The following GMDS variants were observed in gnomAD, a reference collection of about 807,000 sequenced individuals.
The protein encoded by GMDS is GDP-mannose 4,6-dehydratase.
Under a neutral mutation model 49.9 loss-of-function variants are expected in GMDS, and 20 were observed. The observed-to-expected ratio is 0.40, with a 90% confidence interval of 0.28 to 0.58. The LOEUF (loss-of-function observed/expected upper bound fraction) is 0.58, where lower values mean the gene tolerates loss of function less well. GMDS is among the 20% of genes least tolerant of loss of function. The pLI is 0.42. For synonymous variants in GMDS, 177 were observed against 178.6 expected (o/e 0.99, Z 0.07); for missense variants, 362 against 481.4 (o/e 0.75, Z 2.32).
At chr6:1,984,957 A>G (rs1266811014) in intron 4 of GMDS, among the ~76,000 whole-genome samples, 1 of 152,220 alleles carries the variant, frequency 6.6e-6, no homozygotes, top group Non-Finnish European at 1.5e-5. Flanking sequence ...AGTTCAAGGC[A>G]AAGGTGGGAT....
chr6:1,657,135 G>T (rs528242947), intron 9 of GMDS, among the ~76,000 whole-genome samples: 1 of 152,280 alleles, frequency 6.6e-6, no homozygotes, highest in African/African-American at 2.4e-5. Context: ...ATTCATGGAT[G>T]GCTGACCACG....
At chr6:1,789,092 T>C (rs1258280788) in intron 7 of GMDS, among the ~76,000 whole-genome samples, 2 of 152,186 alleles carry the variant, frequency 1.3e-5, no homozygotes, top group African/African-American at 4.8e-5. Context: ...ACAGTGTTAT[T>C]AGAAAGGATA....
chr6:2,083,228 G>A lies in GMDS; in HGVS notation c.345+32543C>T, dbSNP rs545479089. ...ACTTTAGCACGATGTCGAGCACTTA[G>A]TAAACGCTAGTATCTTCCTTAATCA... On this transcript the variant is annotated intron_variant, in intron 4 of 10. Coordinates refer to ENST00000380815, the MANE Select transcript of GMDS (RefSeq NM_001500.4). 7.2e-5 allele frequency among the ~76,000 whole-genome samples: 11 copies of A among 152,278 alleles called. No individual in the cohort carries two copies. In the South Asian group the frequency reaches 2.3e-3, roughly 32 times the overall value.
intron 4 of GMDS, among the ~76,000 whole-genome samples, chr6:2,094,348 C>T (rs1461227555): frequency 6.6e-6 from 1 of 152,224 alleles, no homozygotes; most frequent in Non-Finnish European, 1.5e-5. Flanking sequence ...CTAAAGTCCT[C>T]TACTAGGTCC....
chr6:1,657,637 C>A (rs999785860), intron 9 of GMDS, among the ~76,000 whole-genome samples: 9 of 152,034 alleles, frequency 5.9e-5, no homozygotes, highest in African/African-American at 2.2e-4. Flanking sequence ...GTTTGTGAGG[C>A]GAGACCAGAT....
chr6:2,067,838 G>A (rs1429141792), intron 4 of GMDS, among the ~76,000 whole-genome samples: 21 of 152,152 alleles, frequency 1.4e-4, no homozygotes, highest in South Asian at 2.1e-4. Flanking sequence ...CCAGAGGTAC[G>A]AGGAGGAACT....
At chr6:1,717,698 G>C (rs1271369628) in intron 9 of GMDS, 1 of 152,002 alleles carries the variant, frequency 6.6e-6, no homozygotes, top group Non-Finnish European at 1.5e-5. Context: ...GAGTTGAAGA[G>C]CCCAAAGCAT....
At chr6:1,659,591 G>C (rs1764000222) in intron 9 of GMDS, among the ~76,000 whole-genome samples, 1 of 152,156 alleles carries the variant, frequency 6.6e-6, no homozygotes, top group Non-Finnish European at 1.5e-5. Context: ...CTGGGTGATA[G>C]CACCCAGTGG....
At chr6:2,213,106 C>G (rs1156743587) in intron 1 of GMDS, among the ~76,000 whole-genome samples, 2 of 152,172 alleles carry the variant, frequency 1.3e-5, no homozygotes, top group Non-Finnish European at 2.9e-5. Context: ...CGTGGGCTCT[C>G]ACTGCTGATC....
chr6:2,245,306 C>T lies in GMDS; in HGVS notation c.102+15G>A. ...CAGGCTGCCTCGGCCGGCGCGCCCC[C>T]GCCCCCGCACTCACCTGGCCTGTGA... On this transcript the variant is annotated intron_variant, in intron 1 of 10. Coordinates refer to ENST00000380815, the MANE Select transcript of GMDS (RefSeq NM_001500.4). 2 of 1,513,564 alleles carry T rather than the reference C, an allele frequency of 1.3e-6. No homozygotes were observed. The highest frequency in any genetic ancestry group is 8.9e-7 in the Non-Finnish European group (1 of 1,125,032). The allele number at this position is 1,513,564 out of a possible 1,614,324, so 93.8% of individuals were successfully genotyped here.
chr6:1,890,169 G>A (rs1034436992), intron 7 of GMDS, among the ~76,000 whole-genome samples: 52 of 151,738 alleles, frequency 3.4e-4, no homozygotes, highest in African/African-American at 1.2e-3. Flanking sequence ...TTTACAAAGT[G>A]GCTAAGCTGT....
chr6:1,765,827 C>T (rs1329493727), intron 7 of GMDS, among the ~76,000 whole-genome samples: 1 of 152,150 alleles, frequency 6.6e-6, no homozygotes, highest in African/African-American at 2.4e-5. Context: ...CCCTTTAACT[C>T]CTTCGGCACA....
At chr6:1,757,458 C>A (rs548900468) in intron 7 of GMDS, among the ~76,000 whole-genome samples, 1 of 152,178 alleles carries the variant, frequency 6.6e-6, no homozygotes, top group African/African-American at 2.4e-5. Flanking sequence ...TCTGGGCATG[C>A]AGGAGGAAGT....
intron 1 of GMDS, among the ~76,000 whole-genome samples, chr6:2,223,131 A>C (rs546910079): frequency 2.2e-3 from 316 of 146,130 alleles, no homozygotes; most frequent in African/African-American, 6.1e-3. Flanking sequence ...ATCAATCAAT[A>C]GCGCGCTCTC....
chr6:2,138,783 T>C (rs2127525804), intron 1 of GMDS, among the ~76,000 whole-genome samples: 1 of 152,356 alleles, frequency 6.6e-6, no homozygotes, highest in East Asian at 1.9e-4. Context: ...CATTGACCTT[T>C]GAGAAAAAAC....
At position 2,094,577 on chromosome 6, in the gene GMDS, C is replaced by T. The variant is rs539438042; in HGVS notation, c.345+21194G>A. ...TCATGACCTAAGTACTTGGAAAAAA[C>T]GGAGCAGATTTAAGAATAACATTCA... On this transcript the variant is annotated intron_variant, in intron 4 of 10. Transcript: ENST00000380815. 5.5e-4 allele frequency among the ~76,000 whole-genome samples: 80 copies of T among 145,700 alleles called. 2 individuals are homozygous for T. In the East Asian group the frequency reaches 0.013, roughly 23 times the overall value.
At chr6:2,114,654 A>C (rs1246363607) in intron 4 of GMDS, among the ~76,000 whole-genome samples, 1 of 152,206 alleles carries the variant, frequency 6.6e-6, no homozygotes, top group Non-Finnish European at 1.5e-5. Flanking sequence ...GGCAGATATG[A>C]GGTATCATCA....
At chr6:2,124,874 T>C in intron 1 of GMDS, 143 bp from the exon 2 acceptor site, 1 of 654,612 alleles carries the variant, frequency 1.5e-6, no homozygotes, top group Non-Finnish European at 2.8e-6. Context: ...ACACCAATAA[T>C]GTCAATAAAT....
intron 1 of GMDS, among the ~76,000 whole-genome samples, chr6:2,197,421 G>A (rs946771333): frequency 2.6e-5 from 4 of 152,184 alleles, no homozygotes. Context: ...CCATTTGGCT[G>A]GAAGGAGGAG....
Sources: allele counts gnomAD v4.1 joint callset (sites outside exome capture counted in the v4.1 genomes callset), GRCh38; gene constraint gnomAD v4.1.1; transcripts MANE v1.5; gene names NCBI Gene and HGNC (gene_info 2026-07-23, HGNC 2026-07-21).